SPPL3: variants seen among roughly 807,000 people sequenced by gnomAD.
SPPL3 encodes the protein signal peptide peptidase like 3, also known as signal peptide peptidase-like 3.
SPPL3 carries 5 observed loss-of-function variants against 42.4 expected under a neutral mutation model. The observed-to-expected ratio is 0.12, with a 90% CI of 0.06 to 0.25. The LOEUF (loss-of-function observed/expected upper bound fraction) is 0.25, where lower values mean the gene tolerates loss of function less well. SPPL3 is among the 10% of genes least tolerant of loss of function. The pLI is 1.00. For synonymous variants in SPPL3, 195 were observed against 181.8 expected (o/e 1.07, Z -0.58); for missense variants, 235 against 489.0 (o/e 0.48, Z 4.90).
intron 1 of SPPL3, among the ~76,000 whole-genome samples, chr12:120,828,293 CAT>C (rs1871289323): frequency 1.3e-5 from 2 of 151,914 alleles, no homozygotes; most frequent in Admixed American, 1.3e-4. Flanking sequence ...GAAAACAAAA[CAT>C]ATCAAAATAT....
At chr12:120,810,988 T>C (rs151255808) in intron 1 of SPPL3, 102 bp from the exon 2 acceptor site, 5 of 679,528 alleles carry the variant, frequency 7.4e-6, no homozygotes, top group Admixed American at 6.7e-5. Context: ...TTTGTTTTTA[T>C]CTTTAAGAAG....
chr12:120,819,336 T>C (rs1014606644), intron 1 of SPPL3, among the ~76,000 whole-genome samples: 1 of 152,188 alleles, frequency 6.6e-6, no homozygotes, highest in Non-Finnish European at 1.5e-5. Context: ...TGGAAGATAC[T>C]GATTTGCTGA....
chr12:120,831,063 G>A (rs770182039), intron 1 of SPPL3, among the ~76,000 whole-genome samples: 35 of 151,654 alleles, frequency 2.3e-4, no homozygotes, highest in Non-Finnish European at 4.1e-4. Context: ...GCGGAGGAAG[G>A]GCAAATTCTC....
At chr12:120,780,566 T>C (rs1869492542) in intron 6 of SPPL3, among the ~76,000 whole-genome samples, 1 of 135,812 alleles carries the variant, frequency 7.4e-6, no homozygotes, top group African/African-American at 2.9e-5. Flanking sequence ...CTGGGCAACA[T>C]GAAGACACCC....
Position 120,903,848 on chromosome 12 carries a change from G to A in SPPL3, c.20C>T (p.Ser7Leu), listed in dbSNP as rs1210773248. ...CCTCCCGGAGCCCCGCACTCACCAC[G>A]AGTAGGTCTGCTCCGCCATGGCGCT... The part of the protein sequence containing the change: MAEQTY[S>L]WAYSLVDSSQ... Residue 7 changes from serine (S) to leucine (L), a missense_variant, in exon 1 of 11, where the codon TCG becomes TTG. Physicochemically the swap from Ser to Leu is moderately radical, Grantham distance 145. Coordinates refer to ENST00000353487, the MANE Select transcript of SPPL3 (RefSeq NM_139015.5). 1.9e-5 allele frequency: 27 copies of A among 1,455,548 alleles called. No homozygotes were observed. Among genetic ancestry groups the A allele is most frequent in the Non-Finnish European group, 2.1e-5 (23 of 1,107,292 alleles). 90.2% of individuals were successfully genotyped at this position (1,455,548 alleles called of 1,614,324 possible).
intron 1 of SPPL3, chr12:120,845,241 C>T (rs1052106675): frequency 7.3e-6 from 3 of 411,904 alleles, no homozygotes; most frequent in Non-Finnish European, 1.5e-5. Context: ...TGTCTGTGGT[C>T]CCTGCTGCAT....
intron 1 of SPPL3, among the ~76,000 whole-genome samples, chr12:120,883,769 A>G (rs1010098511): frequency 2.0e-5 from 3 of 152,222 alleles, no homozygotes; most frequent in African/African-American, 7.2e-5. Context: ...AACTTATTTA[A>G]AAAAGCAAAA....
chr12:120,881,632 C>G (rs1248300680), intron 1 of SPPL3, among the ~76,000 whole-genome samples: 1 of 150,476 alleles, frequency 6.6e-6, no homozygotes, highest in Non-Finnish European at 1.5e-5. Context: ...CTCATAGTAA[C>G]TAAAAGGTGG....
intron 1 of SPPL3, among the ~76,000 whole-genome samples, chr12:120,852,792 TATC>T (rs1872290165): frequency 7.0e-6 from 1 of 143,442 alleles, no homozygotes; most frequent in Non-Finnish European, 1.5e-5. Context: ...ATATTTCATA[TATC>T]ATATATACAT....
intron 1 of SPPL3, among the ~76,000 whole-genome samples, chr12:120,863,184 C>G (rs1004934897): frequency 6.6e-6 from 1 of 151,934 alleles, no homozygotes; most frequent in Non-Finnish European, 1.5e-5. Flanking sequence ...CCTATCTTTA[C>G]TAAAAATACA....
At chr12:120,871,130 CAAAA>C (rs71453512) in intron 1 of SPPL3, among the ~76,000 whole-genome samples, 1,421 of 51,742 alleles carry the variant, frequency 0.027, 41 homozygotes, top group African/African-American at 0.078. Flanking sequence ...ACTCCGTCTC[CAAAA>C]AAAAAAAAAA....
rs58246859 is a variant in SPPL3, at chr12:120,853,983, T to TACACACACACACAC, written c.24-43111_24-43098dup. Among the ~76,000 whole-genome samples the TACACACACACACAC allele has an allele frequency of 4.7e-3, 616 of 130,286 alleles. 12 individuals are homozygous for TACACACACACACAC. The highest frequency in any genetic ancestry group is 6.0e-3 in the African/African-American group (201 of 33,666). The allele number at this position is 130,286 out of a possible 152,430, so 85.5% of individuals were successfully genotyped here. ...CACCACCACCACACACACGCACACA[T>TACACACACACACAC]ACACACACACACACACACACACACA... On this transcript the variant is annotated intron_variant, in intron 1 of 10. Coordinates refer to ENST00000353487, the MANE Select transcript of SPPL3 (RefSeq NM_139015.5).
intron 6 of SPPL3, among the ~76,000 whole-genome samples, chr12:120,780,898 G>A (rs570557312): frequency 2.5e-4 from 38 of 152,096 alleles, no homozygotes; most frequent in East Asian, 1.4e-3. Context: ...CAACAAAAGC[G>A]AAACTCCCTC....
chr12:120,850,652 A>G (rs1872193336), intron 1 of SPPL3, among the ~76,000 whole-genome samples: 1 of 152,210 alleles, frequency 6.6e-6, no homozygotes, highest in South Asian at 2.1e-4. Flanking sequence ...TTAGTTTCCT[A>G]CTGCTGCTGT....
At chr12:120,780,935 A>C (rs1477916492) in intron 6 of SPPL3, among the ~76,000 whole-genome samples, 1 of 152,096 alleles carries the variant, frequency 6.6e-6, no homozygotes, top group African/African-American at 2.4e-5. Flanking sequence ...TAAGGGAAAA[A>C]CCAGGAAAAT....
At chr12:120,884,699 T>A (rs574591316) in intron 1 of SPPL3, among the ~76,000 whole-genome samples, 1 of 152,072 alleles carries the variant, frequency 6.6e-6, no homozygotes, top group Non-Finnish European at 1.5e-5. Context: ...TTTTCAATAT[T>A]TTCACCAATA....
At chr12:120,767,728 A>G in intron 8 of SPPL3, 135 bp from the exon 9 acceptor site, 1 of 900,666 alleles carries the variant, frequency 1.1e-6, no homozygotes, top group Non-Finnish European at 1.7e-6. Context: ...TTCTGATGGA[A>G]CATTAGTTTT....
rs114107555 is a variant in SPPL3, at chr12:120,839,960, G to A, written c.24-29074C>T. On this transcript the variant is annotated intron_variant, in intron 1 of 10. Transcript: ENST00000353487. Reference sequence around the variant, plus strand: ...AATAAACAAATTGTGCTATATCCATGCAATGGAATATTTTGGGCCATAAAA... The same window carrying A: ...AATAAACAAATTGTGCTATATCCATACAATGGAATATTTTGGGCCATAAAA... 3.2e-3 allele frequency among the ~76,000 whole-genome samples: 493 copies of A among 152,164 alleles called. 7 individuals are homozygous for A. The highest frequency in any genetic ancestry group is 0.011 in the African/African-American group (472 of 41,520).
At chr12:120,816,526 T>C (rs897945392) in intron 1 of SPPL3, among the ~76,000 whole-genome samples, 3 of 152,236 alleles carry the variant, frequency 2.0e-5, no homozygotes, top group African/African-American at 7.2e-5. Context: ...TGTTGTTTCT[T>C]TTTGGAGACA....
Sources: allele counts gnomAD v4.1 joint callset (sites outside exome capture counted in the v4.1 genomes callset), GRCh38; gene constraint gnomAD v4.1.1; transcripts MANE v1.5; gene names NCBI Gene and HGNC (gene_info 2026-07-23, HGNC 2026-07-21).